The following WDTC1 variants were observed in gnomAD, a reference collection of about 807,000 sequenced individuals.
The protein encoded by WDTC1 is WD and tetratricopeptide repeats protein 1.
In WDTC1, 12 loss-of-function variants were observed where a neutral mutation model predicts 76.0. The ratio of observed to expected loss-of-function variants is 0.16; its 90% CI spans 0.10 to 0.26. The LOEUF (loss-of-function observed/expected upper bound fraction) is 0.26, where lower values mean the gene tolerates loss of function less well. WDTC1 is among the 10% of genes least tolerant of loss of function. WDTC1 has a pLI of 1.00. For synonymous variants in WDTC1, 326 were observed against 350.8 expected (o/e 0.93, Z 0.79); for missense variants, 511 against 908.8 (o/e 0.56, Z 5.63).
At chr1:27,283,721 G>A (rs749437367) in intron 5 of WDTC1, among the ~76,000 whole-genome samples, 23 of 152,320 alleles carry the variant, frequency 1.5e-4, no homozygotes, top group African/African-American at 3.4e-4. Context: ...TGAACTTAGA[G>A]AGCAGGCATA....
Position 27,306,641 on chromosome 1 carries a change from TCTC to T in WDTC1, c.*261_*263del, listed in dbSNP as rs1389447684. 1.9e-6 allele frequency: 1 copy of T among 526,466 alleles called. No homozygotes were observed. The highest frequency in any genetic ancestry group is 3.4e-6 in the Non-Finnish European group (1 of 292,560). The allele number at this position is 526,466 out of a possible 1,614,324, so 32.6% of individuals were successfully genotyped here. On this transcript the variant is annotated 3_prime_UTR_variant, in exon 16 of 16. Transcript: ENST00000319394. The surrounding 1 kb of genome is among the most constrained non-coding windows in gnomAD (Gnocchi z 5.0). ...ACACCCCTCCATATGCCCCCCCCCA[TCTC>T]CTGCTTTCATGTCCCTGGAGGGCTC...
chr1:27,276,700 A>C (rs1055231626), intron 3 of WDTC1, among the ~76,000 whole-genome samples: 2 of 151,142 alleles, frequency 1.3e-5, no homozygotes, highest in African/African-American at 2.4e-5. Flanking sequence ...CTCGAAAAAA[A>C]AAAAGAAAAG....
chr1:27,237,052 G>A (rs2011504831), intron 1 of WDTC1, among the ~76,000 whole-genome samples: 1 of 152,122 alleles, frequency 6.6e-6, no homozygotes, highest in Admixed American at 6.6e-5. Context: ...TGGCCAGGCT[G>A]GTCTTGAACT....
In WDTC1 at chr1:27,303,087, A is replaced by G. The variant is rs532243511; in HGVS notation, c.1469-534A>G. Among the ~76,000 whole-genome samples the G allele has an allele frequency of 9.9e-5, 15 of 152,234 alleles. No homozygotes were observed. Among genetic ancestry groups the G allele is most frequent in the African/African-American group, 3.4e-4 (14 of 41,550 alleles). On this transcript the variant is annotated intron_variant, in intron 13 of 15. Transcript: ENST00000319394. The surrounding 1 kb of genome is among the most constrained non-coding windows in gnomAD (Gnocchi z 4.8). The stretch of plus-strand genomic sequence containing the variant: ...CAGGAGTTTGAGACCAGCCTGGCCA[A>G]TGTGGCGAAACCCCGTCTCTACTAA...
At chr1:27,241,900 GT>G (rs549158445) in intron 1 of WDTC1, among the ~76,000 whole-genome samples, 167 of 139,580 alleles carry the variant, frequency 1.2e-3, no homozygotes, top group Non-Finnish European at 1.6e-3. Context: ...GTTTTTTTTT[GT>G]TTTTTTTTTT....
intron 3 of WDTC1, among the ~76,000 whole-genome samples, chr1:27,264,119 A>C (rs1048708039): frequency 6.6e-6 from 1 of 151,804 alleles, no homozygotes; most frequent in Non-Finnish European, 1.5e-5. Context: ...TGAAATCCCA[A>C]CTCTACTAAA....
chr1:27,292,590 G>C (rs1339409027), intron 7 of WDTC1, among the ~76,000 whole-genome samples, 193 bp downstream of exon 7: 1 of 151,846 alleles, frequency 6.6e-6, no homozygotes, highest in Non-Finnish European at 1.5e-5. Context: ...ACCTCGCTTG[G>C]CTAATTTTTT....
intron 1 of WDTC1, among the ~76,000 whole-genome samples, chr1:27,251,973 G>A (rs184303942): frequency 1.3e-5 from 2 of 151,934 alleles, no homozygotes; most frequent in Admixed American, 1.3e-4. Context: ...GCTTGAACCC[G>A]GGAGGCAGAG....
Position 27,283,370 on chromosome 1 carries a change from C to T in WDTC1, c.212C>T (p.Thr71Met), listed in dbSNP as rs757137725. The change falls in exon 5 of 16, where the codon ACG (threonine) becomes ATG (methionine). Residue 71 changes from threonine to methionine, a missense_variant. Thr to Met is a moderately conservative substitution (Grantham distance 81). Coordinates refer to ENST00000319394, the MANE Select transcript of WDTC1 (RefSeq NM_001276252.2). ...LLASGSDDQH[T>M]IVWDPLHHKK... is the part of the protein sequence containing the mutation. ...GCCTCTGGTTCCGATGACCAGCACA[C>T]GATTGTGTGGGACCCGCTGCACCAC... 14 of 1,613,676 alleles carry T rather than the reference C, an allele frequency of 8.7e-6. No homozygotes were observed. The highest frequency in any genetic ancestry group is 6.6e-5 in the South Asian group (6 of 91,086).
At chr1:27,282,820 T>A (rs1271064278) in intron 4 of WDTC1, among the ~76,000 whole-genome samples, 1 of 151,722 alleles carries the variant, frequency 6.6e-6, no homozygotes, top group Non-Finnish European at 1.5e-5. Flanking sequence ...CCTGTTTTTT[T>A]AATAAGCCAA....
chr1:27,306,633 C>G lies in WDTC1; in HGVS notation c.*250C>G, dbSNP rs569990768. 16 of 549,552 alleles carry G rather than the reference C, an allele frequency of 2.9e-5. No individual in the cohort carries two copies. Among genetic ancestry groups the G allele is most frequent in the African/African-American group, 1.3e-4 (7 of 53,000 alleles). The allele number at this position is 549,552 out of a possible 1,614,324, so 34.0% of individuals were successfully genotyped here. A position where few individuals can be genotyped will look rare whatever the true frequency, so the allele number is the denominator to read the frequency against. On this transcript the variant is annotated 3_prime_UTR_variant, in exon 16 of 16. Coordinates refer to ENST00000319394, the MANE Select transcript of WDTC1 (RefSeq NM_001276252.2). This position sits in a 1 kb window ranked among gnomAD's most constrained non-coding sequence, Gnocchi z 5.0. Reference sequence around the variant, plus strand: ...AGGAGGGGACACCCCTCCATATGCCCCCCCCCATCTCCTGCTTTCATGTCC... The same window carrying G: ...AGGAGGGGACACCCCTCCATATGCCGCCCCCCATCTCCTGCTTTCATGTCC...
chr1:27,294,751 C>T, intron 9 of WDTC1, 122 bp downstream of exon 9: 1 of 786,392 alleles, frequency 1.3e-6, no homozygotes, highest in Non-Finnish European at 2.1e-6. Flanking sequence ...AATGATGTTA[C>T]ATTGAAATGT....
At chr1:27,257,271 G>T (rs1352024278) in intron 1 of WDTC1, among the ~76,000 whole-genome samples, 1 of 151,806 alleles carries the variant, frequency 6.6e-6, no homozygotes, top group African/African-American at 2.4e-5. Context: ...AAGGGTATTG[G>T]GGGTAAGGAA....
chr1:27,290,654 T>C (rs913423650), intron 6 of WDTC1, among the ~76,000 whole-genome samples: 2 of 152,208 alleles, frequency 1.3e-5, no homozygotes, highest in Non-Finnish European at 2.9e-5. Context: ...TTGCCTCTAC[T>C]TCCCTTCATT....
rs1270372894 is a variant in WDTC1 at position 27,306,180 on chromosome 1, C to T, written c.1837-6C>T. ...CCCACGTGTGTCACCCCTTTCTCCA[C>T]CACAGAGTGAAGACCTCACAGGCCG... On this transcript the variant is annotated splice_region_variant and splice_polypyrimidine_tract_variant and intron_variant, in intron 15 of 15. Coordinates refer to ENST00000319394, the MANE Select transcript of WDTC1 (RefSeq NM_001276252.2). The surrounding 1 kb of genome is among the most constrained non-coding windows in gnomAD (Gnocchi z 5.0). 6.2e-7 allele frequency: 1 copy of T among 1,614,078 alleles called. No individual in the cohort carries two copies. The highest frequency in any genetic ancestry group is 8.5e-7 in the Non-Finnish European group (1 of 1,180,002).
intron 1 of WDTC1, among the ~76,000 whole-genome samples, chr1:27,248,823 A>G (rs1308969054): frequency 1.3e-5 from 2 of 151,844 alleles, no homozygotes; most frequent in East Asian, 3.9e-4. Context: ...ACGCCCAGCT[A>G]ATTTTTTAAC....
intron 3 of WDTC1, among the ~76,000 whole-genome samples, chr1:27,278,756 G>A (rs771121138): frequency 6.6e-6 from 1 of 152,178 alleles, no homozygotes; most frequent in Non-Finnish European, 1.5e-5. Context: ...TCAGCATTCA[G>A]ATTTCACCTC....
At position 27,284,827 on chromosome 1, in the gene WDTC1, A is replaced by C. The variant is rs74061755; in HGVS notation, c.291+1378A>C. On this transcript the variant is annotated intron_variant, in intron 5 of 15. Coordinates refer to ENST00000319394, the MANE Select transcript of WDTC1 (RefSeq NM_001276252.2). ...TCTTTAGGTAGTGGAAACACTGCAG[A>C]TGTATATGTATTTAACTCATGCGCT... 8.8e-3 allele frequency among the ~76,000 whole-genome samples: 1,340 copies of C among 151,532 alleles called. 23 individuals carry two copies. Among genetic ancestry groups the C allele is most frequent in the African/African-American group, 0.03 (1,253 of 41,316 alleles).
chr1:27,288,289 A>T (rs1333590043), intron 6 of WDTC1, among the ~76,000 whole-genome samples: 2 of 152,132 alleles, frequency 1.3e-5, no homozygotes, highest in Non-Finnish European at 1.5e-5. Flanking sequence ...TGTTTTAACA[A>T]TTATATCCTC....
Sources: gnomAD v4.1 joint callset for allele counts (sites outside exome capture counted in the v4.1 genomes callset) on GRCh38, gnomAD v4.1.1 for gene constraint, Gnocchi (gnomAD v3.1) non-coding constraint, MANE v1.5 for transcripts, NCBI Gene and HGNC (gene_info 2026-07-23, HGNC 2026-07-21) for gene names.